KIF26B: variants seen among roughly 807,000 people sequenced by gnomAD.
The protein encoded by KIF26B is kinesin-like protein KIF26B.
KIF26B carries 63 observed loss-of-function variants against 151.2 expected under a neutral mutation model. The ratio of observed to expected loss-of-function variants is 0.42; its 90% CI spans 0.34 to 0.51. KIF26B has a LOEUF of 0.51. KIF26B is among the 20% of genes least tolerant of loss of function. KIF26B has a pLI of 0.07. For missense variants in KIF26B, 2,813 were observed against 2,913.6 expected, an observed-to-expected ratio of 0.97 and a Z score of 0.79; for synonymous variants, 1,357 against 1,262.1, an observed-to-expected ratio of 1.08 and a Z score of -1.59.
intron 14 of KIF26B, among the ~76,000 whole-genome samples, chr1:245,699,571 C>T (rs1417195980): frequency 6.6e-6 from 1 of 151,148 alleles, no homozygotes; most frequent in African/African-American, 2.4e-5. Context: ...CATCTAATAA[C>T]AATTCAGGAC....
At chr1:245,180,688 C>T (rs1385974166) in intron 2 of KIF26B, among the ~76,000 whole-genome samples, 1 of 151,542 alleles carries the variant, frequency 6.6e-6, no homozygotes, top group Non-Finnish European at 1.5e-5. Flanking sequence ...GCCTGTGGCT[C>T]ATGGGCCAGT....
At chr1:245,228,263 C>T (rs1669918144) in intron 2 of KIF26B, among the ~76,000 whole-genome samples, 1 of 152,182 alleles carries the variant, frequency 6.6e-6, no homozygotes, top group African/African-American at 2.4e-5. Flanking sequence ...ATAACTAGCA[C>T]CACCTTTGTA....
At chr1:245,412,834 C>T (rs539350939) in intron 3 of KIF26B, among the ~76,000 whole-genome samples, 26 of 152,308 alleles carry the variant, frequency 1.7e-4, no homozygotes, top group African/African-American at 5.5e-4. Flanking sequence ...TTTCACTGCT[C>T]GTTAATGGTG....
chr1:245,678,795 G>A (rs796190637), intron 10 of KIF26B, among the ~76,000 whole-genome samples: 7 of 152,094 alleles, frequency 4.6e-5, no homozygotes, highest in African/African-American at 1.7e-4. Flanking sequence ...CCCAGGAGGC[G>A]GAGGTTGCCG....
intron 4 of KIF26B, among the ~76,000 whole-genome samples, chr1:245,426,231 C>T (rs186800087): frequency 6.6e-6 from 1 of 151,950 alleles, no homozygotes; most frequent in Non-Finnish European, 1.5e-5. Context: ...TTCCTCCCTT[C>T]CTGTTTTTCC....
Position 245,698,098 on chromosome 1 carries a change from C to A in KIF26B, c.5825-8C>A. On this transcript the variant is annotated splice_polypyrimidine_tract_variant and splice_region_variant and intron_variant, in intron 12 of 14. Transcript: ENST00000407071. The surrounding 1 kb of genome is among the most constrained non-coding windows in gnomAD (Gnocchi z 4.0). The stretch of plus-strand genomic sequence containing the variant: ...AGACTAACTCTCTGGGCTTATCCCC[C>A]TCCTCAGGTTCTCAGAGACGGAGGC... 6.2e-7 allele frequency: 1 copy of A among 1,611,294 alleles called. No homozygotes were observed. The highest frequency in any genetic ancestry group is 2.2e-5 in the East Asian group (1 of 44,804).
intron 3 of KIF26B, among the ~76,000 whole-genome samples, chr1:245,387,948 T>C (rs1673593522): frequency 1.3e-5 from 2 of 152,210 alleles, no homozygotes. Flanking sequence ...TTACTAACTT[T>C]GTTCTCATGC....
At chr1:245,426,393 T>G (rs1658650889) in intron 4 of KIF26B, among the ~76,000 whole-genome samples, 1 of 152,210 alleles carries the variant, frequency 6.6e-6, no homozygotes, top group African/African-American at 2.4e-5. Flanking sequence ...TGTTGTCTGC[T>G]TTCTCTTCCA....
At chr1:245,372,434 C>T (rs2103013298) in intron 3 of KIF26B, among the ~76,000 whole-genome samples, 1 of 152,206 alleles carries the variant, frequency 6.6e-6, no homozygotes, top group African/African-American at 2.4e-5. Context: ...TTGTGTGTCA[C>T]TGGGGTTTGA....
At chr1:245,409,376 A>G (rs1674219358) in intron 3 of KIF26B, among the ~76,000 whole-genome samples, 1 of 152,176 alleles carries the variant, frequency 6.6e-6, no homozygotes, top group African/African-American at 2.4e-5. Context: ...GGCAATACAA[A>G]GGATAAAAGA....
At chr1:245,264,848 G>T (rs1252819979) in intron 2 of KIF26B, among the ~76,000 whole-genome samples, 1 of 148,984 alleles carries the variant, frequency 6.7e-6, no homozygotes, top group Non-Finnish European at 1.5e-5. Flanking sequence ...AGCCGAGATC[G>T]AGCGACTGCA....
intron 2 of KIF26B, among the ~76,000 whole-genome samples, chr1:245,180,174 C>A (rs561917252): frequency 6.6e-6 from 1 of 152,228 alleles, no homozygotes; most frequent in Non-Finnish European, 1.5e-5. Context: ...TTCACTGGAA[C>A]TTTCGTCTTC....
intron 2 of KIF26B, among the ~76,000 whole-genome samples, chr1:245,360,095 A>T (rs58432133): frequency 0.04 from 6,063 of 150,386 alleles, 339 homozygotes; most frequent in East Asian, 0.24. Context: ...ATGGTCTCAA[A>T]CTCTTGACCT....
intron 2 of KIF26B, among the ~76,000 whole-genome samples, chr1:245,180,178 C>T (rs1257252998): frequency 1.3e-5 from 2 of 152,246 alleles, no homozygotes; most frequent in African/African-American, 2.4e-5. Flanking sequence ...CTGGAACTTT[C>T]GTCTTCCTAT....
At chr1:245,487,855 A>G (rs1572087885) in intron 4 of KIF26B, among the ~76,000 whole-genome samples, 1 of 150,576 alleles carries the variant, frequency 6.6e-6, no homozygotes, top group Non-Finnish European at 1.5e-5. Flanking sequence ...GTGGCGCGAT[A>G]TCGGCTCACT....
At position 245,698,355 on chromosome 1, in the gene KIF26B, C is replaced by T. The variant is rs750174034; in HGVS notation, c.6027+47C>T. On this transcript the variant is annotated intron_variant, in intron 13 of 14. Transcript: ENST00000407071. The surrounding 1 kb of genome is among the most constrained non-coding windows in gnomAD (Gnocchi z 4.0). Reference sequence around the variant, plus strand: ...CCCCTGCCTACGTGGTGGCAGCTCCCCACCAAGCCTGAGCAGGTGCTAGGC... The same window carrying T: ...CCCCTGCCTACGTGGTGGCAGCTCCTCACCAAGCCTGAGCAGGTGCTAGGC... 1.9e-6 allele frequency: 3 copies of T among 1,550,902 alleles called. No individual in the cohort carries two copies.
intron 2 of KIF26B, among the ~76,000 whole-genome samples, chr1:245,348,216 T>C (rs1672495602): frequency 6.6e-6 from 1 of 152,212 alleles, no homozygotes; most frequent in Non-Finnish European, 1.5e-5. Context: ...AATCGTGGAA[T>C]GATCATTCAT....
At chr1:245,304,856 C>T (rs76340358) in intron 2 of KIF26B, among the ~76,000 whole-genome samples, 3 of 151,962 alleles carry the variant, frequency 2.0e-5, no homozygotes, top group Non-Finnish European at 2.9e-5. Flanking sequence ...AGTGACAGAA[C>T]GAGACAGACC....
chr1:245,303,465 TG>T (rs1224823017), intron 2 of KIF26B, among the ~76,000 whole-genome samples: 3 of 152,150 alleles, frequency 2.0e-5, no homozygotes, highest in Admixed American at 6.5e-5. Context: ...CCCAAAGTGC[TG>T]GGATTACAGG....
Sources: gnomAD v4.1 joint callset for allele counts (sites outside exome capture counted in the v4.1 genomes callset) on GRCh38, gnomAD v4.1.1 for gene constraint, Gnocchi (gnomAD v3.1) non-coding constraint, MANE v1.5 for transcripts, NCBI Gene and HGNC (gene_info 2026-07-23, HGNC 2026-07-21) for gene names.